Variants in CSMD1 observed in about 807,000 individuals in gnomAD.
The protein encoded by CSMD1 is CUB and sushi domain-containing protein 1.
A neutral mutation model predicts 417.5 loss-of-function variants in CSMD1; 213 were observed. The observed-to-expected ratio is 0.51, with a 90% confidence interval of 0.46 to 0.57. CSMD1 has a LOEUF of 0.57. Among genes scored for constraint, CSMD1 ranks in the 20% least tolerant of loss-of-function variants. CSMD1 has a pLI of 0.00. For missense variants in CSMD1, 6,923 were observed against 4,529.7 expected (o/e 1.53, Z -15.17); for synonymous variants, 2,862 against 1,736.8 (o/e 1.65, Z -16.11).
chr8:4,661,548 A>G (rs987858057), intron 1 of CSMD1, among the ~76,000 whole-genome samples: 1 of 152,174 alleles, frequency 6.6e-6, no homozygotes, highest in Non-Finnish European at 1.5e-5. Flanking sequence ...AGTGATATAA[A>G]TATTCTGTAT....
At chr8:3,355,625 G>A (rs973875262) in intron 21 of CSMD1, among the ~76,000 whole-genome samples, 3 of 152,168 alleles carry the variant, frequency 2.0e-5, no homozygotes. Context: ...AGCACTGTAT[G>A]TGATGATATG....
chr8:4,491,066 A>G (rs960613292), intron 2 of CSMD1, among the ~76,000 whole-genome samples: 5 of 152,148 alleles, frequency 3.3e-5, no homozygotes, highest in African/African-American at 1.2e-4. Flanking sequence ...GTCGCCTGCC[A>G]GGACCTAATA....
At chr8:4,951,148 T>C (rs1323751272) in intron 1 of CSMD1, among the ~76,000 whole-genome samples, 1 of 152,284 alleles carries the variant, frequency 6.6e-6, no homozygotes, top group Middle Eastern at 3.4e-3. Flanking sequence ...GACTGTCCCC[T>C]TGTTTCTGCA....
chr8:3,023,494 A>G (rs1182158859), intron 51 of CSMD1, among the ~76,000 whole-genome samples: 1 of 152,136 alleles, frequency 6.6e-6, no homozygotes, highest in Non-Finnish European at 1.5e-5. Context: ...TACATATTCA[A>G]TTTTAACTTT....
At chr8:3,910,275 G>A (rs1389455602) in intron 5 of CSMD1, among the ~76,000 whole-genome samples, 2 of 152,120 alleles carry the variant, frequency 1.3e-5, no homozygotes, top group African/African-American at 4.8e-5. Context: ...CAGCTGCTCA[G>A]CTCTCTCACC....
At chr8:4,052,053 A>T (rs1457817842) in intron 3 of CSMD1, among the ~76,000 whole-genome samples, 1 of 151,940 alleles carries the variant, frequency 6.6e-6, no homozygotes, top group Non-Finnish European at 1.5e-5. Flanking sequence ...ATCCTGCCTC[A>T]GCCTCCCAAG....
intron 2 of CSMD1, among the ~76,000 whole-genome samples, chr8:4,437,981 G>A (rs1027328382): frequency 2.6e-5 from 4 of 152,218 alleles, no homozygotes; most frequent in African/African-American, 4.8e-5. Context: ...AATGTTGACA[G>A]AAACCCAATA....
In CSMD1 at chr8:3,726,461, G is replaced by A. The variant is rs1802503906; in HGVS notation, c.932-17970C>T. Among the ~76,000 whole-genome samples, 2 of 152,316 alleles carry A rather than the reference G, an allele frequency of 1.3e-5. 1 individual carries two copies. The highest frequency in any genetic ancestry group is 4.1e-4 in the South Asian group (2 of 4,826). On this transcript the variant is annotated intron_variant, in intron 6 of 69. Transcript: ENST00000635120. ...GGACAGGGGTCAGCAGGTATTGAAT[G>A]TGTAGAGCCAGATGGGATGCTTTAA...
intron 4 of CSMD1, among the ~76,000 whole-genome samples, chr8:3,999,502 C>A (rs1329692960): frequency 6.6e-6 from 1 of 152,064 alleles, no homozygotes; most frequent in Non-Finnish European, 1.5e-5. Flanking sequence ...AAAATAGAAC[C>A]AATCTTGTCG....
intron 5 of CSMD1, among the ~76,000 whole-genome samples, chr8:3,926,119 A>T (rs1485755749): frequency 1.5e-5 from 2 of 132,860 alleles, no homozygotes; most frequent in Non-Finnish European, 3.2e-5. Context: ...ACACACACAC[A>T]CACACACACA....
At chr8:3,061,745 C>G (rs1175076497) in intron 49 of CSMD1, among the ~76,000 whole-genome samples, 2 of 152,194 alleles carry the variant, frequency 1.3e-5, no homozygotes, top group East Asian at 1.9e-4. Context: ...TATCTGACAT[C>G]ATTGATCAAA....
intron 2 of CSMD1, among the ~76,000 whole-genome samples, chr8:4,465,997 C>A (rs911772619): frequency 1.3e-5 from 2 of 152,160 alleles, no homozygotes; most frequent in Non-Finnish European, 2.9e-5. Context: ...AAGACTGAGA[C>A]ATTAAAGATG....
At chr8:4,017,528 A>T (rs1052471010) in intron 4 of CSMD1, among the ~76,000 whole-genome samples, 2 of 151,890 alleles carry the variant, frequency 1.3e-5, no homozygotes, top group South Asian at 2.1e-4. Context: ...CTGGTCTCGA[A>T]CTCCCGATCT....
chr8:3,807,181 T>A (rs1415599522), intron 5 of CSMD1, among the ~76,000 whole-genome samples: 1 of 152,178 alleles, frequency 6.6e-6, no homozygotes, highest in Non-Finnish European at 1.5e-5. Context: ...TCTTGTGACC[T>A]TCTAAAATGG....
chr8:4,077,764 G>C (rs1330182092), intron 3 of CSMD1, among the ~76,000 whole-genome samples: 2 of 152,130 alleles, frequency 1.3e-5, no homozygotes, highest in Admixed American at 6.5e-5. Context: ...ATTGCCCTAT[G>C]ATAAGCATTT....
At chr8:3,086,448 G>C (rs1045295655) in intron 49 of CSMD1, among the ~76,000 whole-genome samples, 4 of 151,990 alleles carry the variant, frequency 2.6e-5, no homozygotes, top group Admixed American at 6.6e-5. Flanking sequence ...ACAAAAAAGA[G>C]AGCCTATATG....
intron 10 of CSMD1, among the ~76,000 whole-genome samples, chr8:3,568,418 G>A (rs1011039038): frequency 6.6e-6 from 1 of 152,068 alleles, no homozygotes; most frequent in South Asian, 2.1e-4. Context: ...TGGAAACAAA[G>A]AAAAAGAAAA....
At chr8:3,215,207 A>C (rs1797813363) in intron 29 of CSMD1, among the ~76,000 whole-genome samples, 2 of 152,206 alleles carry the variant, frequency 1.3e-5, no homozygotes, top group African/African-American at 4.8e-5. Context: ...CAACAGACAG[A>C]CTTAGAAGAT....
In CSMD1 at chr8:3,110,302, C is replaced by T. The variant is rs760742224; in HGVS notation, c.6464G>A (p.Gly2155Asp). The stretch of plus-strand genomic sequence containing the variant: ...AGGAAAGCCAGGGGAGTAGATGGTG[C>T]CGTTCTGAGAAGTTACGTTGTACCC... ...PCGYNVTSQNGTIYSPGFPDE... is the reference protein window; with the variant it reads ...PCGYNVTSQNDTIYSPGFPDE... Residue 2155 changes from glycine to aspartate, a missense_variant, in exon 43 of 70, where the codon GGC (glycine) becomes GAC (aspartate). By Grantham distance (94) the Gly-to-Asp change is moderately conservative. Transcript: ENST00000635120. 4 of 1,612,870 alleles carry T rather than the reference C, an allele frequency of 2.5e-6. No individual in the cohort carries two copies. Among genetic ancestry groups the T allele is most frequent in the South Asian group, 1.1e-5 (1 of 90,724 alleles).
Sources: gnomAD v4.1 joint callset for allele counts (sites outside exome capture counted in the v4.1 genomes callset) on GRCh38, gnomAD v4.1.1 for gene constraint, MANE v1.5 for transcripts, NCBI Gene and HGNC (gene_info 2026-07-23, HGNC 2026-07-21) for gene names.